Variants in HERC4 observed in about 807,000 individuals in gnomAD.
HERC4 encodes the protein HECT and RLD domain containing E3 ubiquitin protein ligase 4, also known as probable E3 ubiquitin-protein ligase HERC4.
HERC4 carries 28 observed loss-of-function variants against 124.3 expected under a neutral mutation model. The observed-to-expected ratio is 0.23, with a 90% confidence interval of 0.17 to 0.31. The LOEUF (loss-of-function observed/expected upper bound fraction) is 0.31. Ranked by LOEUF, HERC4 falls within the 10% of genes least tolerant of loss-of-function variation. The pLI, the probability that HERC4 is intolerant of heterozygous loss-of-function variation, is 1.00. For synonymous variants in HERC4, 407 were observed against 421.5 expected, an observed-to-expected ratio of 0.97 and a Z score of 0.42; for missense variants, 713 against 1,229.3, an observed-to-expected ratio of 0.58 and a Z score of 6.28.
chr10:67,955,991 C>A (rs1481015149), intron 17 of HERC4: 3 of 152,082 alleles, frequency 2.0e-5, no homozygotes, highest in African/African-American at 7.2e-5. Context: ...ATCGTTTTAA[C>A]AAAGACCTCC....
At chr10:67,931,989 G>T (rs2031863115) in intron 23 of HERC4, among the ~76,000 whole-genome samples, 1 of 151,936 alleles carries the variant, frequency 6.6e-6, no homozygotes, top group African/African-American at 2.4e-5. Context: ...ACAGAGCCTT[G>T]CTCTGCTGCC....
chr10:67,951,026 A>G lies in HERC4; in HGVS notation c.2337+3569T>C, dbSNP rs369096012. ...GAAATGCTTGAAGAATAATGGGGAT[A>G]TGTCAGAAGTACACCAAAGAGTAGA... On this transcript the variant is annotated intron_variant, in intron 19 of 24. Transcript: ENST00000373700. Among the ~76,000 whole-genome samples, 18 of 152,340 alleles carry G rather than the reference A, an allele frequency of 1.2e-4. 1 individual carries two copies. The East Asian group carries it at 1.9e-3, about 16-fold the overall frequency.
intron 11 of HERC4, among the ~76,000 whole-genome samples, chr10:67,991,780 T>G (rs929354020): frequency 2.0e-5 from 3 of 152,226 alleles, no homozygotes; most frequent in Non-Finnish European, 4.4e-5. Flanking sequence ...AAGGAACACA[T>G]TTCAAGGCCA....
chr10:67,989,621 T>C (rs2036445920), intron 14 of HERC4, among the ~76,000 whole-genome samples: 1 of 151,788 alleles, frequency 6.6e-6, no homozygotes, highest in Non-Finnish European at 1.5e-5. Context: ...AAGCACTGGG[T>C]TAAATGTAGC....
intron 9 of HERC4, among the ~76,000 whole-genome samples, chr10:68,013,686 G>A (rs1031487702): frequency 1.3e-5 from 2 of 152,118 alleles, no homozygotes; most frequent in African/African-American, 4.8e-5. Flanking sequence ...TATGCTTAAT[G>A]CTACTTAAAA....
intron 3 of HERC4, among the ~76,000 whole-genome samples, chr10:68,050,393 C>T (rs2040238546): frequency 6.6e-6 from 1 of 152,042 alleles, no homozygotes; most frequent in Non-Finnish European, 1.5e-5. Flanking sequence ...GAAACAGACG[C>T]TTAGAGTAAG....
chr10:67,946,276 CCTT>C (rs1204999211), intron 19 of HERC4, among the ~76,000 whole-genome samples: 1 of 149,874 alleles, frequency 6.7e-6, no homozygotes, highest in African/African-American at 2.4e-5. Flanking sequence ...AAGAGTAACT[CCTT>C]ATCAATCAAT....
At chr10:67,973,972 G>A (rs1163193597) in intron 15 of HERC4, among the ~76,000 whole-genome samples, 2 of 150,778 alleles carry the variant, frequency 1.3e-5, no homozygotes, top group Non-Finnish European at 3.0e-5. Flanking sequence ...ACTTGAACCC[G>A]GGAGGCAGAG....
intron 3 of HERC4, among the ~76,000 whole-genome samples, chr10:68,055,756 T>G (rs1436287964): frequency 8.7e-6 from 1 of 114,512 alleles, no homozygotes; most frequent in African/African-American, 3.0e-5. Context: ...TACAATATCC[T>G]TTTTTTTTTT....
chr10:68,006,344 G>T (rs771839142), intron 9 of HERC4, among the ~76,000 whole-genome samples: 3 of 150,730 alleles, frequency 2.0e-5, no homozygotes, highest in Admixed American at 6.6e-5. Context: ...TGCTGTTGAT[G>T]AAACGCCTCA....
In HERC4 at chr10:67,936,229, C is replaced by A; in HGVS notation, c.2578G>T (p.Val860Phe). 6.3e-7 allele frequency: 1 copy of A among 1,587,278 alleles called. No individual in the cohort carries two copies. Among genetic ancestry groups the A allele is most frequent in the Non-Finnish European group, 8.6e-7 (1 of 1,166,318 alleles). Reference sequence around the variant, plus strand: ...ACTTCTGTTGCACCAAAGTTTTCAACTGTGATCTATTAATTTAAATTTTTA... The same window carrying A: ...ACTTCTGTTGCACCAAAGTTTTCAAATGTGATCTATTAATTTAAATTTTTA... ...ETFCLNFTIT[V>F]ENFGATEVKE... is the part of the protein sequence containing the mutation. The change falls in exon 22 of 25, where the codon GTT becomes TTT. Residue 860 changes from valine (V) to phenylalanine (F), a missense_variant. Coordinates refer to ENST00000373700, the MANE Select transcript of HERC4 (RefSeq NM_015601.4).
In HERC4 at chr10:67,991,003, G is replaced by A; in HGVS notation, c.1344C>T (p.His448=). The A allele has an allele frequency of 4.0e-6, 6 of 1,517,612 alleles. No individual in the cohort carries two copies. Among genetic ancestry groups the A allele is most frequent in the South Asian group, 1.4e-5 (1 of 71,608 alleles). 94.0% of individuals were successfully genotyped at this position (1,517,612 alleles called of 1,614,324 possible). A position where few individuals can be genotyped will look rare whatever the true frequency, so the allele number is the denominator to read the frequency against. Residue 448 remains histidine (H), a synonymous_variant, in exon 13 of 25, where the codon CAC becomes CAT. Coordinates refer to ENST00000373700, the MANE Select transcript of HERC4 (RefSeq NM_015601.4). The part of the protein sequence containing the change: ...GSFLAVSNDD[H]YRTGTRFSGV... ...CTGAAAATCTGGTACCTGTTCTATA[G>A]TGATCATCATTGCTAAAAAACAGAA...
At chr10:68,060,081 C>G (rs1330177998) in intron 3 of HERC4, among the ~76,000 whole-genome samples, 2 of 149,766 alleles carry the variant, frequency 1.3e-5, no homozygotes, top group African/African-American at 4.9e-5. Context: ...TCTGACTGTT[C>G]TCACCAAAAC....
At chr10:68,069,821 T>A in intron 3 of HERC4, 2 of 771,616 alleles carry the variant, frequency 2.6e-6, no homozygotes, top group Non-Finnish European at 1.6e-6. Context: ...GGCGGGCAGA[T>A]CACAAGGTCA....
rs2040845565 is a variant in HERC4 at position 68,059,736 on chromosome 10, A to ATC, written c.226+13146_226+13147insGA. ...CATAATATTATATATTATATATCAT[A>ATC]ATATTATATATTATAATATTATATA... is the stretch of plus-strand genomic sequence containing the variant. On this transcript the variant is annotated intron_variant, in intron 3 of 24. Coordinates refer to ENST00000373700, the MANE Select transcript of HERC4 (RefSeq NM_015601.4). 7.4e-5 allele frequency among the ~76,000 whole-genome samples: 5 copies of ATC among 67,910 alleles called. 1 individual carries two copies. Among genetic ancestry groups the ATC allele is most frequent in the African/African-American group, 4.2e-4 (4 of 9,584 alleles). 44.6% of individuals were successfully genotyped at this position (67,910 alleles called of 152,430 possible). A position where few individuals can be genotyped will look rare whatever the true frequency, so the allele number is the denominator to read the frequency against.
intron 9 of HERC4, among the ~76,000 whole-genome samples, chr10:68,006,035 A>G (rs1020030200): frequency 6.6e-6 from 1 of 152,210 alleles, no homozygotes; most frequent in Non-Finnish European, 1.5e-5. Context: ...ACAAAAACAA[A>G]TAAGCAAAGA....
chr10:68,062,600 A>C (rs2041085718), intron 3 of HERC4, among the ~76,000 whole-genome samples: 1 of 151,598 alleles, frequency 6.6e-6, no homozygotes, highest in Admixed American at 6.6e-5. Context: ...AAAAATACAA[A>C]AAAAAAAAAA....
chr10:67,947,562 TAAGGA>T (rs1361184796), intron 19 of HERC4, among the ~76,000 whole-genome samples: 3 of 152,146 alleles, frequency 2.0e-5, no homozygotes, highest in African/African-American at 7.2e-5. Flanking sequence ...CAAAGATCAA[TAAGGA>T]AATAGAGAAC....
At chr10:67,966,550 G>GT in intron 16 of HERC4, 133 bp downstream of exon 16, 1 of 760,858 alleles carries the variant, frequency 1.3e-6, no homozygotes, top group Non-Finnish European at 2.1e-6. Context: ...TTTGCAATGT[G>GT]TTATTATTTA....
Sources: allele counts gnomAD v4.1 joint callset (sites outside exome capture counted in the v4.1 genomes callset), GRCh38; gene constraint gnomAD v4.1.1; transcripts MANE v1.5; gene names NCBI Gene and HGNC (gene_info 2026-07-23, HGNC 2026-07-21).